ITGAM: variants seen among roughly 807,000 people sequenced by gnomAD.
ITGAM encodes the protein integrin subunit alpha M.
ITGAM carries 79 observed loss-of-function variants against 137.5 expected under a neutral mutation model. The ratio of observed to expected loss-of-function variants is 0.57; its 90% CI spans 0.48 to 0.69. ITGAM has a LOEUF of 0.69. ITGAM is among the 30% of genes least tolerant of loss of function. The pLI is 0.00. For synonymous variants in ITGAM, 583 were observed against 592.3 expected, an observed-to-expected ratio of 0.98 and a Z score of 0.23; for missense variants, 1,343 against 1,483.5, an observed-to-expected ratio of 0.91 and a Z score of 1.56.
At position 31,332,679 on chromosome 16, in the gene ITGAM, T is replaced by G. The variant is rs918314129; in HGVS notation, c.*972T>G. 1.1e-4 allele frequency: 16 copies of G among 152,242 alleles called. No homozygotes were observed. The highest frequency in any genetic ancestry group is 3.9e-4 in the African/African-American group (16 of 41,482). 9.4% of individuals were successfully genotyped at this position (152,242 alleles called of 1,614,324 possible). A position where few individuals can be genotyped will look rare whatever the true frequency, so the allele number is the denominator to read the frequency against. ...ACTTTATATTGGTCTGTATCTTGCT[T>G]TTTTTCACCAATATTTCTCAGACAT... On this transcript the variant is annotated 3_prime_UTR_variant, in exon 30 of 30. Coordinates refer to ENST00000544665, the MANE Select transcript of ITGAM (RefSeq NM_000632.4).
intron 12 of ITGAM, among the ~76,000 whole-genome samples, chr16:31,290,028 C>G (rs2080070866): frequency 6.7e-6 from 1 of 148,912 alleles, no homozygotes; most frequent in Non-Finnish European, 1.5e-5. Flanking sequence ...TTATGGTGAG[C>G]CGAGATCATG....
At chr16:31,279,776 C>A (rs1596989307) in intron 12 of ITGAM, among the ~76,000 whole-genome samples, 1 of 152,228 alleles carries the variant, frequency 6.6e-6, no homozygotes, top group Admixed American at 6.5e-5. Flanking sequence ...GCTTTTGTTG[C>A]CATTGCTTTT....
intron 29 of ITGAM, 153 bp downstream of exon 29, chr16:31,331,428 G>A (rs2080581482): frequency 3.0e-6 from 2 of 669,856 alleles, no homozygotes; most frequent in East Asian, 2.7e-5. Context: ...GAGGGTGGCC[G>A]GGTTCATGCG....
intron 14 of ITGAM, among the ~76,000 whole-genome samples, chr16:31,315,706 G>A (rs934228483): frequency 1.3e-5 from 2 of 151,830 alleles, no homozygotes; most frequent in South Asian, 2.1e-4. Flanking sequence ...TAATCCACCC[G>A]CCTCAGTCTC....
At chr16:31,298,228 ATT>A (rs1248460442) in intron 14 of ITGAM, among the ~76,000 whole-genome samples, 1 of 149,986 alleles carries the variant, frequency 6.7e-6, no homozygotes, top group African/African-American at 2.5e-5. Context: ...AAAAAAAAAA[ATT>A]AGCCAGGTGT....
intron 14 of ITGAM, among the ~76,000 whole-genome samples, chr16:31,310,183 T>C (rs2080310693): frequency 6.6e-6 from 1 of 152,036 alleles, no homozygotes; most frequent in Admixed American, 6.5e-5. Context: ...TTGGAGTTGC[T>C]CTTCTCGAGG....
intron 16 of ITGAM, among the ~76,000 whole-genome samples, chr16:31,322,364 CATGGCTAGAAATTAAGAGCAAA>C (rs2080459455): frequency 6.6e-6 from 1 of 152,138 alleles, no homozygotes; most frequent in Non-Finnish European, 1.5e-5. Context: ...GAGCAGCCAG[CATGGCTAGAAATTAAGAGCAAA>C]ATGTTAGAGA....
chr16:31,300,524 T>A (rs1463385677), intron 14 of ITGAM, among the ~76,000 whole-genome samples: 4 of 152,252 alleles, frequency 2.6e-5, no homozygotes, highest in Admixed American at 6.5e-5. Context: ...ATTTCCCTGA[T>A]GATTAGTGAT....
rs377110507 is a variant in ITGAM, at chr16:31,297,552, C to T, written c.1395C>T (p.Asp465=). ...AYFGASLCSV[D]VDSNGSTDLV... ...TCGGGGCCTCCCTCTGCTCCGTGGA[C>T]GTGGACAGCAACGGCAGCACCGACC... Residue 465 remains aspartate, a synonymous_variant, in exon 13 of 30, where the codon GAC becomes GAT. Coordinates refer to ENST00000544665, the MANE Select transcript of ITGAM (RefSeq NM_000632.4). 33 of 1,611,996 alleles carry T rather than the reference C, an allele frequency of 2.0e-5. No individual in the cohort carries two copies. Among genetic ancestry groups the T allele is most frequent in the Non-Finnish European group, 2.5e-5 (29 of 1,179,858 alleles).
chr16:31,302,495 C>CCT (rs2080216932), intron 14 of ITGAM, among the ~76,000 whole-genome samples: 1 of 55,176 alleles, frequency 1.8e-5, no homozygotes, highest in African/African-American at 7.9e-5. Context: ...TTTTTCTTTC[C>CCT]TTCTTTCTTT....
Position 31,309,981 on chromosome 16 carries a change from C to T in ITGAM, c.1708-11260C>T, listed in dbSNP as rs1486057132. Reference sequence around the variant, plus strand: ...CCTTTAAGAATGTTGAATATTGGCCCCCACTCTCTTCTGGCTTGTAGAGTT... The same window carrying T: ...CCTTTAAGAATGTTGAATATTGGCCTCCACTCTCTTCTGGCTTGTAGAGTT... On this transcript the variant is annotated intron_variant, in intron 14 of 29. Transcript: ENST00000544665. Among the ~76,000 whole-genome samples the T allele has an allele frequency of 2.0e-5, 3 of 151,730 alleles. No individual in the cohort carries two copies. The East Asian group carries it at 5.8e-4, about 30-fold the overall frequency.
intron 14 of ITGAM, among the ~76,000 whole-genome samples, chr16:31,316,338 C>CTGTG (rs2080392122): frequency 6.7e-6 from 1 of 149,676 alleles, no homozygotes; most frequent in Admixed American, 6.7e-5. Flanking sequence ...AGTGAGCCTA[C>CTGTG]ATCATGCCAC....
At position 31,329,278 on chromosome 16, in the gene ITGAM, G is replaced by T. The variant is rs1036987725; in HGVS notation, c.2843G>T (p.Ser948Ile). The T allele has an allele frequency of 1.2e-6, 2 of 1,612,834 alleles. No homozygotes were observed. The highest frequency in any genetic ancestry group is 2.7e-5 in the African/African-American group (2 of 74,864). The stretch of plus-strand genomic sequence containing the variant: ...AACTTCACGGCCTCAGAGAATACCA[G>T]TCGGGTCATGCAGCATCAATATCAG... ...YLNFTASENT[S>I]RVMQHQYQVS... The change falls in exon 24 of 30, where the codon AGT (serine) becomes ATT (isoleucine). Residue 948 changes from serine (S) to isoleucine (I), a missense_variant. Ser to Ile is a moderately radical substitution (Grantham distance 142). Transcript: ENST00000544665.
intron 14 of ITGAM, among the ~76,000 whole-genome samples, chr16:31,314,433 C>T (rs1163320529): frequency 6.6e-6 from 1 of 152,062 alleles, no homozygotes; most frequent in East Asian, 1.9e-4. Context: ...GATCTAGTTT[C>T]AGTTTTTTGC....
At position 31,284,102 on chromosome 16, in the gene ITGAM, G is replaced by A. The variant is rs184160455; in HGVS notation, c.1356+5993G>A. Among the ~76,000 whole-genome samples the A allele has an allele frequency of 5.9e-5, 9 of 152,256 alleles. No individual in the cohort carries two copies. The East Asian group carries it at 1.7e-3, about 29-fold the overall frequency. On this transcript the variant is annotated intron_variant, in intron 12 of 29. Coordinates refer to ENST00000544665, the MANE Select transcript of ITGAM (RefSeq NM_000632.4). ...CTTCCTCTGGAAGCTTCGTTGCAGA[G>A]GGGCACCCAGCCGTATGAGGTGTAA...
intron 14 of ITGAM, among the ~76,000 whole-genome samples, chr16:31,312,169 A>C (rs1199586664): frequency 6.7e-6 from 1 of 150,048 alleles, no homozygotes; most frequent in Non-Finnish European, 1.5e-5. Context: ...TAGCATTAGG[A>C]GATATACCTA....
Position 31,297,670 on chromosome 16 carries a change from A to C in ITGAM, c.1497+16A>C, listed in dbSNP as rs41412446. 2,645 of 1,610,020 alleles carry C rather than the reference A, an allele frequency of 1.6e-3. 42 individuals carry two copies. The African/African-American group carries it at 0.032, about 19-fold the overall frequency. ...GCCCAGGGGGGTGAGTGGCAATGGG[A>C]CCTGGGCTGGGTGGGGCCCGGTGTG... On this transcript the variant is annotated intron_variant, in intron 13 of 29. Coordinates refer to ENST00000544665, the MANE Select transcript of ITGAM (RefSeq NM_000632.4).
At position 31,331,948 on chromosome 16, in the gene ITGAM, A is replaced by C; in HGVS notation, c.*241A>C. On this transcript the variant is annotated 3_prime_UTR_variant, in exon 30 of 30. Transcript: ENST00000544665. ...GCACGCCCATGTGTGAGTGTGTGCA[A>C]GTATGTGAGTGTGTCCAAGTGTGTG... 1 of 554,386 alleles carries C rather than the reference A, an allele frequency of 1.8e-6. No individual in the cohort carries two copies. Among genetic ancestry groups the C allele is most frequent in the Non-Finnish European group, 3.2e-6 (1 of 313,920 alleles). 34.3% of individuals were successfully genotyped at this position (554,386 alleles called of 1,614,324 possible).
intron 14 of ITGAM, among the ~76,000 whole-genome samples, chr16:31,311,064 GA>G (rs1449855234): frequency 9.2e-5 from 14 of 152,106 alleles, no homozygotes; most frequent in Non-Finnish European, 2.1e-4. Context: ...ATGGTGCTGG[GA>G]AAACTGGCTG....
Sources: gnomAD v4.1 joint callset for allele counts (sites outside exome capture counted in the v4.1 genomes callset) on GRCh38, gnomAD v4.1.1 for gene constraint, MANE v1.5 for transcripts, NCBI Gene and HGNC (gene_info 2026-07-23, HGNC 2026-07-21) for gene names.